PLEKHB2: variants seen among roughly 807,000 people sequenced by gnomAD.
PLEKHB2 encodes pleckstrin homology domain containing B2.
Under a neutral mutation model 36.5 loss-of-function variants are expected in PLEKHB2, and 31 were observed. The ratio of observed to expected loss-of-function variants is 0.85; its 90% CI spans 0.64 to 1.15. The LOEUF (loss-of-function observed/expected upper bound fraction) is 1.15, where lower values mean the gene tolerates loss of function less well. Ranked by LOEUF, PLEKHB2 falls within the 50% of genes most tolerant of loss-of-function variation. PLEKHB2 has a pLI of 0.00. For missense variants in PLEKHB2, 262 were observed against 295.3 expected (o/e 0.89, Z 0.83); for synonymous variants, 119 against 112.0 (o/e 1.06, Z -0.39).
At chr2:131,108,665 G>C (rs1694974070) in intron 1 of PLEKHB2, among the ~76,000 whole-genome samples, 1 of 152,190 alleles carries the variant, frequency 6.6e-6, no homozygotes, top group Non-Finnish European at 1.5e-5. Context: ...TTTTAAGAAA[G>C]TTTACAAATT....
At chr2:131,140,773 G>A (rs1363736517) in intron 7 of PLEKHB2, among the ~76,000 whole-genome samples, 1 of 152,194 alleles carries the variant, frequency 6.6e-6, no homozygotes, top group Non-Finnish European at 1.5e-5. Flanking sequence ...TGGTGTAGAG[G>A]TATCATGTCC....
intron 4 of PLEKHB2, among the ~76,000 whole-genome samples, chr2:131,129,716 C>G (rs546535952): frequency 4.2e-5 from 2 of 47,758 alleles, no homozygotes; most frequent in African/African-American, 6.6e-5. Context: ...GTTGGCCAGG[C>G]TGGTCTCGAA....
intron 6 of PLEKHB2, among the ~76,000 whole-genome samples, chr2:131,135,212 C>T (rs150529395): frequency 6.6e-6 from 1 of 152,034 alleles, no homozygotes; most frequent in African/African-American, 2.4e-5. Context: ...GCCGGGATTA[C>T]AGGCACGTGC....
intron 2 of PLEKHB2, among the ~76,000 whole-genome samples, chr2:131,122,031 T>C (rs6430576): frequency 0.022 from 3,395 of 152,234 alleles, 131 homozygotes; most frequent in African/African-American, 0.077. Flanking sequence ...CCCGAGTAGC[T>C]GGGATTACAG....
chr2:131,116,383 C>T (rs1490294277), intron 1 of PLEKHB2, among the ~76,000 whole-genome samples: 1 of 152,198 alleles, frequency 6.6e-6, no homozygotes, highest in Non-Finnish European at 1.5e-5. Flanking sequence ...TTGTATTAGT[C>T]TGTTCTCATA....
Sources: allele counts gnomAD v4.1 joint callset (sites outside exome capture counted in the v4.1 genomes callset), GRCh38; gene constraint gnomAD v4.1.1; transcripts MANE v1.5; gene names NCBI Gene and HGNC (gene_info 2026-07-23, HGNC 2026-07-21).